The following TMEM132D variants were observed in gnomAD, a reference collection of about 807,000 sequenced individuals.
TMEM132D encodes the protein mature OL transmembrane protein.
Under a neutral mutation model 62.3 loss-of-function variants are expected in TMEM132D, and 21 were observed. The ratio of observed to expected loss-of-function variants is 0.34; its 90% CI spans 0.24 to 0.49. TMEM132D has a LOEUF of 0.49. TMEM132D is among the 20% of genes least tolerant of loss of function. TMEM132D has a pLI of 0.99. For missense variants in TMEM132D, 1,346 were observed against 1,402.8 expected (o/e 0.96, Z 0.65); for synonymous variants, 621 against 575.6 (o/e 1.08, Z -1.13).
At chr12:129,175,472 G>A (rs563528145) in intron 5 of TMEM132D, among the ~76,000 whole-genome samples, 1 of 152,292 alleles carries the variant, frequency 6.6e-6, no homozygotes, top group South Asian at 2.1e-4. Flanking sequence ...AAGGTTGTAA[G>A]AGAAAATTAT....
chr12:129,396,438 G>T (rs1171950668), intron 3 of TMEM132D, among the ~76,000 whole-genome samples: 1 of 152,200 alleles, frequency 6.6e-6, no homozygotes, highest in Non-Finnish European at 1.5e-5. Context: ...ACAAACATTT[G>T]TGCAATTTCA....
intron 1 of TMEM132D, among the ~76,000 whole-genome samples, chr12:129,899,230 A>AGGATGGATGGATGGATGGATGCAC (rs1875251315): frequency 7.2e-6 from 1 of 138,174 alleles, no homozygotes; most frequent in Non-Finnish European, 1.5e-5. Context: ...GACAGATGGA[A>AGGATGGATGGATGGATGGATGCAC]GGATGGATGG....
intron 1 of TMEM132D, among the ~76,000 whole-genome samples, chr12:129,707,811 A>G (rs2137233453): frequency 6.6e-6 from 1 of 152,354 alleles, no homozygotes; most frequent in East Asian, 1.9e-4. Flanking sequence ...AGAATTCAAC[A>G]GGAAGAGCCA....
chr12:129,340,373 ATGTATACATG>A (rs1443610908), intron 3 of TMEM132D, among the ~76,000 whole-genome samples: 1 of 151,706 alleles, frequency 6.6e-6, no homozygotes, highest in Non-Finnish European at 1.5e-5. Flanking sequence ...TTTGTTACAT[ATGTATACATG>A]TGCCATGTTT....
intron 4 of TMEM132D, among the ~76,000 whole-genome samples, chr12:129,261,360 T>C (rs551203933): frequency 3.9e-5 from 6 of 152,148 alleles, no homozygotes. Context: ...AGTGAATAAG[T>C]CTCATGAGGT....
chr12:129,166,698 CACACACACACACACATAT>C (rs1466231796), intron 5 of TMEM132D, among the ~76,000 whole-genome samples: 5 of 141,118 alleles, frequency 3.5e-5, no homozygotes, highest in Admixed American at 7.5e-5. Flanking sequence ...TACACACACA[CACACACACACACACATAT>C]ACACACACAC....
At chr12:129,265,659 G>A (rs1880668857) in intron 4 of TMEM132D, among the ~76,000 whole-genome samples, 1 of 151,914 alleles carries the variant, frequency 6.6e-6, no homozygotes, top group South Asian at 2.1e-4. Flanking sequence ...AGCTGTCCTG[G>A]CCTGCTTGGG....
At chr12:129,748,801 A>G (rs1270642040) in intron 1 of TMEM132D, among the ~76,000 whole-genome samples, 1 of 152,212 alleles carries the variant, frequency 6.6e-6, no homozygotes, top group Non-Finnish European at 1.5e-5. Flanking sequence ...ATAGGTGTTT[A>G]TCCAAGAAAG....
At chr12:129,837,364 A>G (rs1335717205) in intron 1 of TMEM132D, among the ~76,000 whole-genome samples, 1 of 152,250 alleles carries the variant, frequency 6.6e-6, no homozygotes, top group African/African-American at 2.4e-5. Context: ...CAAGGCAGAG[A>G]GTCCTGTACT....
At position 129,256,421 on chromosome 12, in the gene TMEM132D, C is replaced by CATTT. The variant is rs144633950; in HGVS notation, c.1300-46762_1300-46759dup. Among the ~76,000 whole-genome samples the CATTT allele has an allele frequency of 9.7e-3, 1,471 of 151,908 alleles. 20 individuals carry two copies. The highest frequency in any genetic ancestry group is 0.034 in the African/African-American group (1,396 of 41,390). On this transcript the variant is annotated intron_variant, in intron 4 of 8. Transcript: ENST00000422113. Reference sequence around the variant, plus strand: ...AATTCTGGGTATCCAGAGTAAAATCCATTTATTTATTTATTTAGAAACAGA... The same window carrying CATTT: ...AATTCTGGGTATCCAGAGTAAAATCCATTTATTTATTTATTTATTTAGAAACAGA...
chr12:129,205,734 A>G (rs549373366), intron 5 of TMEM132D, among the ~76,000 whole-genome samples: 3 of 152,210 alleles, frequency 2.0e-5, no homozygotes, highest in Non-Finnish European at 2.9e-5. Context: ...CACCACGTGG[A>G]ACATACTCCA....
At position 129,473,324 on chromosome 12, in the gene TMEM132D, G is replaced by GTTTTTTTTTTTTTTTTT. The variant is rs751523415; in HGVS notation, c.1115+57718_1115+57734dup. On this transcript the variant is annotated intron_variant, in intron 3 of 8. Transcript: ENST00000422113. ...TGGCAATAAAGTGATTTTAGTTTTT[G>GTTTTTTTTTTTTTTTTT]TTTTTTTTTTTTTTTTTTTTTTGAG... Among the ~76,000 whole-genome samples, 10 of 81,552 alleles carry GTTTTTTTTTTTTTTTTT rather than the reference G, an allele frequency of 1.2e-4. 1 individual carries two copies. The highest frequency in any genetic ancestry group is 2.2e-4 in the Non-Finnish European group (10 of 46,168). 53.5% of individuals were successfully genotyped at this position (81,552 alleles called of 152,430 possible).
At chr12:129,180,430 A>G (rs955983901) in intron 5 of TMEM132D, among the ~76,000 whole-genome samples, 1 of 152,198 alleles carries the variant, frequency 6.6e-6, no homozygotes, top group Non-Finnish European at 1.5e-5. Flanking sequence ...ATTTGCTCAC[A>G]TACTCAGTCA....
chr12:129,690,682 A>T (rs1008808709), intron 2 of TMEM132D, among the ~76,000 whole-genome samples: 1 of 152,170 alleles, frequency 6.6e-6, no homozygotes, highest in Non-Finnish European at 1.5e-5. Flanking sequence ...ACAAATGCAC[A>T]ACAAAATATA....
chr12:129,487,035 G>A (rs7977855), intron 3 of TMEM132D, among the ~76,000 whole-genome samples: 12 of 151,864 alleles, frequency 7.9e-5, no homozygotes, highest in South Asian at 2.1e-4. Context: ...TGCGTATGGG[G>A]GGGGGGGTTG....
chr12:129,680,279 T>C lies in TMEM132D; in HGVS notation c.968+19531A>G, dbSNP rs913841454. ...CAGATCCCTGCTTTTGATAGAGAAATACATCCTTGGATGATCTCTTTTTTT... is the reference window on the plus strand; with the variant it reads ...CAGATCCCTGCTTTTGATAGAGAAACACATCCTTGGATGATCTCTTTTTTT... On this transcript the variant is annotated intron_variant, in intron 2 of 8. Coordinates refer to ENST00000422113, the MANE Select transcript of TMEM132D (RefSeq NM_133448.3). 5.9e-5 allele frequency among the ~76,000 whole-genome samples: 9 copies of C among 152,318 alleles called. No homozygotes were observed. The East Asian group carries it at 1.4e-3, about 23-fold the overall frequency.
chr12:129,193,571 C>T (rs917119782), intron 5 of TMEM132D, among the ~76,000 whole-genome samples: 3 of 152,138 alleles, frequency 2.0e-5, no homozygotes, highest in African/African-American at 7.2e-5. Flanking sequence ...ACTAAAATAA[C>T]CTATTAAACA....
At chr12:129,534,323 T>A (rs1876317792) in intron 2 of TMEM132D, among the ~76,000 whole-genome samples, 1 of 152,150 alleles carries the variant, frequency 6.6e-6, no homozygotes, top group Non-Finnish European at 1.5e-5. Flanking sequence ...AGTATGCACA[T>A]GCACTGTGAT....
At chr12:129,097,752 A>G (rs1281066139) in intron 5 of TMEM132D, among the ~76,000 whole-genome samples, 1 of 152,250 alleles carries the variant, frequency 6.6e-6, no homozygotes, top group Non-Finnish European at 1.5e-5. Context: ...AGAAAAGGAG[A>G]GGGTAGACAG....
Sources: allele counts gnomAD v4.1 joint callset (sites outside exome capture counted in the v4.1 genomes callset), GRCh38; gene constraint gnomAD v4.1.1; transcripts MANE v1.5; gene names NCBI Gene and HGNC (gene_info 2026-07-23, HGNC 2026-07-21).